The following IL1RAPL2 variants were observed in gnomAD, a reference collection of about 807,000 sequenced individuals.
The protein encoded by IL1RAPL2 is interleukin 1 receptor accessory protein like 2, also known as X-linked interleukin-1 receptor accessory protein-like 2.
IL1RAPL2 carries 3 observed loss-of-function variants against 44.1 expected under a neutral mutation model. That is an observed-to-expected ratio of 0.07 (90% CI 0.03 to 0.18). The LOEUF is 0.18. Among genes scored for constraint, IL1RAPL2 ranks in the 10% least tolerant of loss-of-function variants. IL1RAPL2 has a pLI of 1.00. For synonymous variants in IL1RAPL2, 181 were observed against 178.8 expected (o/e 1.01, Z -0.10); for missense variants, 391 against 496.4 (o/e 0.79, Z 2.02).
intron 1 of IL1RAPL2, among the ~76,000 whole-genome samples, chrX:104,619,739 C>A (rs890234263): frequency 1.8e-5 from 2 of 112,058 alleles, no homozygotes; most frequent in Non-Finnish European, 3.8e-5. Context: ...TATAGACCAA[C>A]ATTTATGTAT....
At chrX:105,130,283 C>T (rs780620366) in intron 2 of IL1RAPL2, among the ~76,000 whole-genome samples, 1 of 111,324 alleles carries the variant, frequency 9.0e-6, no homozygotes, top group South Asian at 3.7e-4. Flanking sequence ...TCAGACCTCA[C>T]TCAAGAGATT....
intron 6 of IL1RAPL2, among the ~76,000 whole-genome samples, chrX:105,492,447 T>G (rs1315836802): frequency 1.8e-5 from 2 of 110,578 alleles, no homozygotes; most frequent in Non-Finnish European, 3.8e-5. Context: ...TATTATTTAA[T>G]AACAGCTCTA....
intron 1 of IL1RAPL2, among the ~76,000 whole-genome samples, chrX:104,585,325 T>TATTATATATTAG (rs1426737993): frequency 5.1e-5 from 1 of 19,554 alleles, no homozygotes; most frequent in Non-Finnish European, 7.0e-5. Flanking sequence ...ATATATTATA[T>TATTATATATTAG]ATAATATATA....
chrX:104,807,148 T>G (rs1022258239), intron 2 of IL1RAPL2, among the ~76,000 whole-genome samples: 7 of 111,095 alleles, frequency 6.3e-5, no homozygotes, highest in African/African-American at 2.3e-4. Flanking sequence ...GTGACACCAC[T>G]TGCTTGAAAT....
At chrX:105,275,857 C>A (rs187792811) in intron 5 of IL1RAPL2, among the ~76,000 whole-genome samples, 1 of 111,292 alleles carries the variant, frequency 9.0e-6, no homozygotes, top group African/African-American at 3.3e-5. Context: ...ACTTTTCCTA[C>A]TCTGCCCCAC....
intron 5 of IL1RAPL2, among the ~76,000 whole-genome samples, chrX:105,437,055 T>C (rs1223427826): frequency 1.9e-5 from 2 of 105,499 alleles, no homozygotes; most frequent in African/African-American, 6.9e-5. Flanking sequence ...ATATACCATA[T>C]TTATTGTCAC....
At chrX:105,534,368 A>G (rs1205219766) in intron 6 of IL1RAPL2, among the ~76,000 whole-genome samples, 1 of 112,045 alleles carries the variant, frequency 8.9e-6, no homozygotes, top group Non-Finnish European at 1.9e-5. Context: ...ATTTAACTGT[A>G]TATTTTAAAA....
chrX:105,401,655 G>A (rs2035607170), intron 5 of IL1RAPL2, among the ~76,000 whole-genome samples: 1 of 110,527 alleles, frequency 9.0e-6, no homozygotes, highest in African/African-American at 3.3e-5. Context: ...CCATTAAGAA[G>A]TTATGAAGGT....
At chrX:104,890,800 TA>T (rs1390048347) in intron 2 of IL1RAPL2, among the ~76,000 whole-genome samples, 1 of 112,116 alleles carries the variant, frequency 8.9e-6, no homozygotes, top group Non-Finnish European at 1.9e-5. Flanking sequence ...CTCTTTAGTT[TA>T]ATTAGATCCC....
chrX:105,527,809 T>C, intron 6 of IL1RAPL2, among the ~76,000 whole-genome samples: 1 of 111,290 alleles, frequency 9.0e-6, no homozygotes, highest in East Asian at 2.8e-4. Flanking sequence ...GTAGTATCTT[T>C]GTGACCCTGC....
At chrX:105,222,087 C>T (rs891320997) in intron 3 of IL1RAPL2, among the ~76,000 whole-genome samples, 2 of 111,588 alleles carry the variant, frequency 1.8e-5, no homozygotes, top group Non-Finnish European at 3.8e-5. Flanking sequence ...CACTCCTTGT[C>T]CTGACATTAG....
chrX:105,241,349 T>G (rs185899642), intron 4 of IL1RAPL2, among the ~76,000 whole-genome samples: 1 of 112,089 alleles, frequency 8.9e-6, no homozygotes, highest in African/African-American at 3.2e-5. Context: ...AAACCTTTAC[T>G]CATTGATAGA....
intron 6 of IL1RAPL2, among the ~76,000 whole-genome samples, chrX:105,717,086 C>T (rs1434148893): frequency 9.0e-6 from 1 of 111,715 alleles, no homozygotes; most frequent in African/African-American, 3.3e-5. Context: ...TGCCACTGCA[C>T]TCCAGCCTGG....
chrX:105,277,436 C>A (rs2034494924), intron 5 of IL1RAPL2, among the ~76,000 whole-genome samples: 1 of 110,687 alleles, frequency 9.0e-6, no homozygotes, highest in Non-Finnish European at 1.9e-5. Flanking sequence ...TTCTGGATGA[C>A]CCTGGCCTTT....
At chrX:104,879,592 T>C (rs1923008100) in intron 2 of IL1RAPL2, among the ~76,000 whole-genome samples, 1 of 111,667 alleles carries the variant, frequency 9.0e-6, no homozygotes, top group African/African-American at 3.3e-5. Context: ...ATATTTCCTT[T>C]GCTGTAGTAT....
chrX:105,641,995 G>A (rs1226631031), intron 6 of IL1RAPL2, among the ~76,000 whole-genome samples: 1 of 110,875 alleles, frequency 9.0e-6, no homozygotes, highest in Non-Finnish European at 1.9e-5. Flanking sequence ...TTTTAACCTC[G>A]CAAGGTTTCT....
At chrX:104,902,235 C>T (rs1462103525) in intron 2 of IL1RAPL2, among the ~76,000 whole-genome samples, 1 of 111,957 alleles carries the variant, frequency 8.9e-6, no homozygotes, top group African/African-American at 3.2e-5. Context: ...TCCTAGTCAC[C>T]TCTGATCTTT....
intron 5 of IL1RAPL2, among the ~76,000 whole-genome samples, chrX:105,476,576 T>G (rs1027434992): frequency 2.7e-5 from 3 of 112,053 alleles, no homozygotes; most frequent in African/African-American, 9.7e-5. Context: ...TCTCTCTAGA[T>G]TGAGTTAATA....
chrX:105,560,954 A>T (rs1289563142), intron 6 of IL1RAPL2, among the ~76,000 whole-genome samples: 2 of 111,292 alleles, frequency 1.8e-5, no homozygotes, highest in Non-Finnish European at 3.8e-5. Context: ...AACCATAAAA[A>T]GAACAAATTC....
Sources: gnomAD v4.1 joint callset for allele counts (sites outside exome capture counted in the v4.1 genomes callset) on GRCh38, gnomAD v4.1.1 for gene constraint, MANE v1.5 for transcripts, NCBI Gene and HGNC (gene_info 2026-07-23, HGNC 2026-07-21) for gene names.